The following DYM variants were observed in gnomAD, a reference collection of about 807,000 sequenced individuals.
The protein encoded by DYM is dymeclin, also known as dyggve-Melchior-Clausen syndrome protein.
DYM carries 78 observed loss-of-function variants against 93.1 expected under a neutral mutation model. The observed-to-expected ratio is 0.84, with a 90% CI of 0.70 to 1.01. The LOEUF (loss-of-function observed/expected upper bound fraction) is 1.01, where lower values mean the gene tolerates loss of function less well. Among genes scored for constraint, DYM ranks in the 50% least tolerant of loss-of-function variants. The pLI is 0.00. For missense variants in DYM, 789 were observed against 845.0 expected, an observed-to-expected ratio of 0.93 and a Z score of 0.82; for synonymous variants, 321 against 319.7, an observed-to-expected ratio of 1.00 and a Z score of -0.04.
chr18:49,292,347 GACAGACAGACACACAC>G (rs1433627297), intron 8 of DYM, among the ~76,000 whole-genome samples: 3 of 68,386 alleles, frequency 4.4e-5, no homozygotes, highest in Non-Finnish European at 7.7e-5. Flanking sequence ...CAGACAGACA[GACAGACAGACACACAC>G]ACACACACAC....
At chr18:49,425,342 T>C (rs1158471387) in intron 2 of DYM, among the ~76,000 whole-genome samples, 2 of 152,194 alleles carry the variant, frequency 1.3e-5, no homozygotes, top group African/African-American at 4.8e-5. Flanking sequence ...GCTAGCCATA[T>C]GTAGAAAGCT....
intron 16 of DYM, among the ~76,000 whole-genome samples, chr18:49,109,519 G>C (rs1239623632): frequency 6.6e-6 from 1 of 152,166 alleles, no homozygotes; most frequent in Non-Finnish European, 1.5e-5. Context: ...CCCTACTTGT[G>C]AGTTAACAAG....
At chr18:49,196,059 G>A (rs901139302) in intron 14 of DYM, among the ~76,000 whole-genome samples, 1 of 151,438 alleles carries the variant, frequency 6.6e-6, no homozygotes, top group Non-Finnish European at 1.5e-5. Flanking sequence ...CGAGTAGCTG[G>A]GATCACAGGC....
At chr18:49,147,638 A>G (rs2085309560) in intron 15 of DYM, among the ~76,000 whole-genome samples, 1 of 152,018 alleles carries the variant, frequency 6.6e-6, no homozygotes, top group Admixed American at 6.6e-5. Context: ...CAAAACCACA[A>G]TGAGATACCA....
At chr18:49,443,031 T>C (rs2081788147) in intron 1 of DYM, among the ~76,000 whole-genome samples, 1 of 152,066 alleles carries the variant, frequency 6.6e-6, no homozygotes, top group African/African-American at 2.4e-5. Flanking sequence ...CTAATTTTTG[T>C]ATTTTCAGGT....
chr18:49,400,056 T>C (rs2070635341), intron 2 of DYM, among the ~76,000 whole-genome samples: 1 of 140,652 alleles, frequency 7.1e-6, no homozygotes, highest in African/African-American at 2.6e-5. Context: ...TCCTCCTGCC[T>C]CAGCCTCCCA....
chr18:49,356,620 G>A lies in DYM; in HGVS notation c.494+6541C>T, dbSNP rs75694940. ...CATTTTCCCAATAGCTAGGCCCTTCGTTGCCAACCATGGGTCTCTCCTGTA... is the reference window on the plus strand; with the variant it reads ...CATTTTCCCAATAGCTAGGCCCTTCATTGCCAACCATGGGTCTCTCCTGTA... On this transcript the variant is annotated intron_variant, in intron 6 of 17. Coordinates refer to ENST00000675505, the MANE Select transcript of DYM (RefSeq NM_001353214.3). Among the ~76,000 whole-genome samples, 1,192 of 152,182 alleles carry A rather than the reference G, an allele frequency of 7.8e-3. 9 individuals are homozygous for A. Among genetic ancestry groups the A allele is most frequent in the East Asian group, 0.013 (66 of 5,188 alleles).
chr18:49,419,526 C>T (rs1026270662), intron 2 of DYM, among the ~76,000 whole-genome samples: 1 of 152,082 alleles, frequency 6.6e-6, no homozygotes, highest in Non-Finnish European at 1.5e-5. Flanking sequence ...TCATCTTTTT[C>T]CCCACTGAAA....
At chr18:49,064,603 A>C (rs538212256) in intron 17 of DYM, among the ~76,000 whole-genome samples, 1 of 152,288 alleles carries the variant, frequency 6.6e-6, no homozygotes, top group Admixed American at 6.5e-5. Flanking sequence ...AAAATAACAC[A>C]AAACTAGCTA....
chr18:49,428,094 A>C (rs2074458750), intron 2 of DYM, among the ~76,000 whole-genome samples: 2 of 152,138 alleles, frequency 1.3e-5, no homozygotes, highest in African/African-American at 4.8e-5. Flanking sequence ...TTGTCTCAAA[A>C]AAAAAAGAAA....
At chr18:49,216,504 C>A (rs913945688) in intron 13 of DYM, among the ~76,000 whole-genome samples, 9 of 152,328 alleles carry the variant, frequency 5.9e-5, no homozygotes, top group Admixed American at 3.9e-4. Flanking sequence ...AGGCACCCCC[C>A]AGTAGGGGCA....
chr18:49,200,007 A>G (rs1387151419), intron 14 of DYM, among the ~76,000 whole-genome samples: 1 of 152,166 alleles, frequency 6.6e-6, no homozygotes, highest in African/African-American at 2.4e-5. Context: ...AAGAAGAAAA[A>G]AAGCAAATCT....
chr18:49,050,736 T>C lies in DYM; in HGVS notation c.2026-6532A>G, dbSNP rs569478460. On this transcript the variant is annotated intron_variant, in intron 17 of 17. Transcript: ENST00000675505. The stretch of plus-strand genomic sequence containing the variant: ...ATGACCACCCTATAAAAAACAAAAG[T>C]GGCCTCTCTCGGCTCACTGGCTTAT... Among the ~76,000 whole-genome samples the C allele has an allele frequency of 6.6e-5, 10 of 152,118 alleles. No homozygotes were observed. The South Asian group carries it at 1.9e-3, about 28-fold the overall frequency.
At chr18:49,426,993 C>T (rs1211490008) in intron 2 of DYM, among the ~76,000 whole-genome samples, 1 of 152,058 alleles carries the variant, frequency 6.6e-6, no homozygotes, top group African/African-American at 2.4e-5. Context: ...GTCCTCTTTA[C>T]AGAAGAACTC....
At chr18:49,372,085 T>A (rs572644781) in intron 5 of DYM, among the ~76,000 whole-genome samples, 209 of 152,344 alleles carry the variant, frequency 1.4e-3, no homozygotes, top group Non-Finnish European at 2.6e-3. Flanking sequence ...TCTACTTTTG[T>A]AAATTCGACC....
intron 8 of DYM, among the ~76,000 whole-genome samples, chr18:49,289,772 T>TATATATAC (rs1555678772): frequency 2.7e-4 from 10 of 36,630 alleles, no homozygotes; most frequent in South Asian, 1.2e-3. Flanking sequence ...TATATATATA[T>TATATATAC]ACACATATAT....
chr18:49,362,721 T>C (rs769687644), intron 6 of DYM, among the ~76,000 whole-genome samples: 55 of 152,162 alleles, frequency 3.6e-4, no homozygotes, highest in Non-Finnish European at 7.3e-4. Flanking sequence ...TACATCTCAC[T>C]GACTATGCCT....
intron 6 of DYM, among the ~76,000 whole-genome samples, chr18:49,348,345 T>G (rs2064789139): frequency 6.6e-6 from 1 of 152,122 alleles, no homozygotes; most frequent in Admixed American, 6.5e-5. Context: ...TATGCTATAG[T>G]ACAGATATTA....
At position 49,108,978 on chromosome 18, in the gene DYM, C is replaced by T. The variant is rs556974801; in HGVS notation, c.1911+9766G>A. Among the ~76,000 whole-genome samples, 9 of 152,074 alleles carry T rather than the reference C, an allele frequency of 5.9e-5. No individual in the cohort carries two copies. The East Asian group carries it at 1.5e-3, about 26-fold the overall frequency. On this transcript the variant is annotated intron_variant, in intron 16 of 17. Coordinates refer to ENST00000675505, the MANE Select transcript of DYM (RefSeq NM_001353214.3). Reference sequence around the variant, plus strand: ...GAGTCCCTCTTTATCCCTGGTAATGCTCCCTGTGTTGAAGTCTACTTTGTC... The same window carrying T: ...GAGTCCCTCTTTATCCCTGGTAATGTTCCCTGTGTTGAAGTCTACTTTGTC...
Sources: gnomAD v4.1 joint callset for allele counts (sites outside exome capture counted in the v4.1 genomes callset) on GRCh38, gnomAD v4.1.1 for gene constraint, MANE v1.5 for transcripts, NCBI Gene and HGNC (gene_info 2026-07-23, HGNC 2026-07-21) for gene names.